The following FAAP20 variants were observed in gnomAD, a reference collection of about 807,000 sequenced individuals.
The protein encoded by FAAP20 is Fanconi anemia core complex-associated protein 20.
Under a neutral mutation model 16.2 loss-of-function variants are expected in FAAP20, and 12 were observed. The observed-to-expected ratio is 0.74, with a 90% CI of 0.48 to 1.20. FAAP20 has a LOEUF of 1.20. FAAP20 is among the 50% of genes most tolerant of loss of function. The pLI, the probability that FAAP20 is intolerant of heterozygous loss-of-function variation, is 0.00. For synonymous variants in FAAP20, 141 were observed against 110.7 expected (o/e 1.27, Z -1.72); for missense variants, 288 against 245.8 (o/e 1.17, Z -1.15).
chr1:2,189,407 G>A (rs1379371860), downstream of FAAP20: 4 of 443,950 alleles, frequency 9.0e-6, no homozygotes, highest in South Asian at 2.7e-5. Context: ...AGGAAAACGA[G>A]CTACCCTCAG....
At chr1:2,205,879 C>A (rs1689240369) in intron 3 of FAAP20, among the ~76,000 whole-genome samples, 1 of 152,278 alleles carries the variant, frequency 6.6e-6, no homozygotes, top group South Asian at 2.1e-4. Flanking sequence ...GCCCCCTACC[C>A]GGGCCCCGGC....
In FAAP20 at chr1:2,192,803, T is replaced by C. The variant is rs547846697; in HGVS notation, c.470+836A>G. On this transcript the variant is annotated intron_variant, in intron 3 of 3. Coordinates refer to ENST00000378546, the MANE Select transcript of FAAP20 (RefSeq NM_182533.4). ...CATGTAAAGATGGGATCTTGCCATGTTGCCCAGGCTGGTCTCAAACTCCTG... is the reference window on the plus strand; with the variant it reads ...CATGTAAAGATGGGATCTTGCCATGCTGCCCAGGCTGGTCTCAAACTCCTG... 2.0e-5 allele frequency: 23 copies of C among 1,147,906 alleles called. No homozygotes were observed. In the African/African-American group the frequency reaches 2.1e-4, roughly 10 times the overall value. 71.1% of individuals were successfully genotyped at this position (1,147,906 alleles called of 1,614,324 possible).
upstream of FAAP20, chr1:2,201,106 G>A (rs1011185324): frequency 7.8e-7 from 1 of 1,288,436 alleles, no homozygotes; most frequent in African/African-American, 1.5e-5. Context: ...CATCCCCTGT[G>A]CAGCCGGCTG....
chr1:2,194,758 G>A lies in FAAP20; in HGVS notation c.-9C>T, dbSNP rs1326236772. 1.7e-6 allele frequency: 2 copies of A among 1,177,770 alleles called. No homozygotes were observed. Among genetic ancestry groups the A allele is most frequent in the Non-Finnish European group, 2.1e-6 (2 of 954,576 alleles). 73.0% of individuals were successfully genotyped at this position (1,177,770 alleles called of 1,614,324 possible). A position where few individuals can be genotyped will look rare whatever the true frequency, so the allele number is the denominator to read the frequency against. ...CTCCGCGCCGCCTCCATCCAAGCCC[G>A]CGCCGGGCGGAAGTGAGCGCAAGCC... On this transcript the variant is annotated 5_prime_UTR_variant, in exon 1 of 4. Coordinates refer to ENST00000378546, the MANE Select transcript of FAAP20 (RefSeq NM_182533.4).
chr1:2,199,554 C>T (rs1557789189), upstream of FAAP20: 1 of 985,836 alleles, frequency 1.0e-6, no homozygotes. The surrounding 1 kb of genome is among the most constrained non-coding windows in gnomAD (Gnocchi z 4.5). Context: ...AGGAGCCGGT[C>T]AGGGAGTGGA....
chr1:2,192,308 C>A, intron 3 of FAAP20: 1 of 986,720 alleles, frequency 1.0e-6, no homozygotes, highest in Non-Finnish European at 1.2e-6. Context: ...CTCTCCCTTA[C>A]GATCAAGTGT....
At chr1:2,192,489 CTA>C (rs1688342424) in intron 3 of FAAP20, 1 of 995,466 alleles carries the variant, frequency 1.0e-6, no homozygotes. Flanking sequence ...TTTTTTTAGA[CTA>C]TCTGGAAAAG....
chr1:2,185,101 C>T (rs924148376), downstream of FAAP20: 38 of 1,273,926 alleles, frequency 3.0e-5, no homozygotes, highest in Middle Eastern at 1.8e-4. Context: ...GGCACGGCTC[C>T]GAGGGCGGCC....
At chr1:2,198,803 G>A, upstream of FAAP20, 1 of 1,289,638 alleles carries the variant, frequency 7.8e-7, no homozygotes, top group Non-Finnish European at 1.0e-6. Flanking sequence ...GACGCAGCCA[G>A]GAACTGGGCT....
chr1:2,193,206 A>C (rs1228670950), intron 3 of FAAP20: 1 of 312,362 alleles, frequency 3.2e-6, no homozygotes, highest in Non-Finnish European at 6.2e-6. Flanking sequence ...CTTTACTTAA[A>C]AAATACATAA....
At chr1:2,198,895 C>T (rs1422177706), upstream of FAAP20, 29 of 1,289,640 alleles carry the variant, frequency 2.2e-5, no homozygotes, top group Middle Eastern at 4.2e-4. Context: ...TTATGGGATA[C>T]GGGAGTGCCA....
At chr1:2,197,645 C>G (rs1688877164), upstream of FAAP20, among the ~76,000 whole-genome samples, 1 of 152,260 alleles carries the variant, frequency 6.6e-6, no homozygotes, top group South Asian at 2.1e-4. Flanking sequence ...GGCCTCTGGG[C>G]CTGGTGCTTT....
At chr1:2,199,100 G>A (rs1688940423), upstream of FAAP20, 1 of 1,189,072 alleles carries the variant, frequency 8.4e-7, no homozygotes, top group Admixed American at 3.6e-5. The surrounding 1 kb of genome is among the most constrained non-coding windows in gnomAD (Gnocchi z 4.5). Context: ...GAACCAGAAA[G>A]CCAGGAGCAG....
downstream of FAAP20, among the ~76,000 whole-genome samples, chr1:2,187,595 C>T (rs967546815): frequency 3.9e-5 from 6 of 152,186 alleles, no homozygotes; most frequent in African/African-American, 7.2e-5. Flanking sequence ...TGAGCTACCG[C>T]GCCCGGCCTG....
chr1:2,203,661 C>T (rs1415484001), upstream of FAAP20: 13 of 985,478 alleles, frequency 1.3e-5, no homozygotes, highest in East Asian at 2.3e-4. Flanking sequence ...AGGCTGGGGC[C>T]GGCTGCTGGG....
At chr1:2,209,952 C>A (rs185707504), downstream of FAAP20, among the ~76,000 whole-genome samples, 1 of 152,194 alleles carries the variant, frequency 6.6e-6, no homozygotes, top group East Asian at 1.9e-4. Context: ...GGCACTGAAA[C>A]GCTCACGGGG....
In FAAP20 at chr1:2,193,630, C is replaced by T. The variant is rs1218758009; in HGVS notation, c.470+9G>A. The T allele has an allele frequency of 6.3e-7, 1 of 1,591,754 alleles. No homozygotes were observed. Among genetic ancestry groups the T allele is most frequent in the Non-Finnish European group, 8.5e-7 (1 of 1,174,992 alleles). On this transcript the variant is annotated intron_variant, in intron 3 of 3. Transcript: ENST00000378546. ...ATAACCGGGCCGGGCGCAGGGGTGGCCTACTCACCTGGGGGCGAACTCCTT... is the reference window on the plus strand; with the variant it reads ...ATAACCGGGCCGGGCGCAGGGGTGGTCTACTCACCTGGGGGCGAACTCCTT...
chr1:2,187,028 G>A (rs1687675908), downstream of FAAP20: 4 of 350,160 alleles, frequency 1.1e-5, no homozygotes, highest in Non-Finnish European at 6.0e-6. Flanking sequence ...CTCCGGTCAC[G>A]ACGGTGTCTT....
exon 2 of FAAP20, chr1:2,212,230 G>C (rs565025086): frequency 6.6e-6 from 1 of 151,034 alleles, no homozygotes; most frequent in African/African-American, 2.4e-5. Context: ...TAGGGGCTGC[G>C]GGGGGCTTCC....
Sources: gnomAD v4.1 joint callset for allele counts (sites outside exome capture counted in the v4.1 genomes callset) on GRCh38, gnomAD v4.1.1 for gene constraint, Gnocchi (gnomAD v3.1) non-coding constraint, MANE v1.5 for transcripts, NCBI Gene and HGNC (gene_info 2026-07-23, HGNC 2026-07-21) for gene names.